Variants in GSTCD observed in about 807,000 individuals in gnomAD.
GSTCD encodes the protein glutathione S-transferase C-terminal domain containing.
Under a neutral mutation model 68.3 loss-of-function variants are expected in GSTCD, and 44 were observed. The ratio of observed to expected loss-of-function variants is 0.64; its 90% CI spans 0.51 to 0.83. GSTCD has a LOEUF of 0.83. Among genes scored for constraint, GSTCD ranks in the 40% least tolerant of loss-of-function variants. GSTCD has a pLI of 0.00. For synonymous variants in GSTCD, 273 were observed against 255.2 expected, an observed-to-expected ratio of 1.07 and a Z score of -0.67; for missense variants, 739 against 735.9, an observed-to-expected ratio of 1.00 and a Z score of -0.05.
chr4:105,819,691 C>T (rs184372061), intron 5 of GSTCD, among the ~76,000 whole-genome samples: 326 of 151,854 alleles, frequency 2.1e-3, no homozygotes, highest in Non-Finnish European at 3.5e-3. Context: ...TGGTTGTCGT[C>T]TTCCCTCTCA....
rs187836146 is a variant in GSTCD, at chr4:105,759,164, T to C, written c.1240+29665T>C. ...GGCAGTTTCTGTTAGTTCTTAAGAG[T>C]ATGACAGTCTCAGGTTAAACAACAT... On this transcript the variant is annotated intron_variant, in intron 5 of 11. Coordinates refer to ENST00000515279, the MANE Select transcript of GSTCD (RefSeq NM_001370181.1). Among the ~76,000 whole-genome samples, 101 of 152,250 alleles carry C rather than the reference T, an allele frequency of 6.6e-4. 1 individual carries two copies. Among genetic ancestry groups the C allele is most frequent in the African/African-American group, 2.3e-3 (96 of 41,546 alleles).
rs1020356457 is a variant in GSTCD, at chr4:105,709,314, T to C, written c.-22+298T>C. 3.9e-5 allele frequency: 6 copies of C among 152,476 alleles called. No homozygotes were observed. In the South Asian group the frequency reaches 6.2e-4, roughly 16 times the overall value. The allele number at this position is 152,476 out of a possible 1,614,324, so 9.4% of individuals were successfully genotyped here. ...GATGGAGAAATGGGGCAGCTTCCAG[T>C]TGGAGGCGTTGGTTGGGGTGGTTTG... On this transcript the variant is annotated intron_variant, in intron 1 of 11. Coordinates refer to ENST00000515279, the MANE Select transcript of GSTCD (RefSeq NM_001370181.1).
At chr4:105,779,279 CCTCAACTTGTATTTGT>C (rs967872096) in intron 5 of GSTCD, among the ~76,000 whole-genome samples, 15 of 152,064 alleles carry the variant, frequency 9.9e-5, no homozygotes, top group Admixed American at 7.2e-4. Flanking sequence ...GCAGAATGCC[CCTCAACTTGTATTTGT>C]CTGGTGTTTT....
chr4:105,710,554 T>C (rs1732505054), intron 1 of GSTCD, among the ~76,000 whole-genome samples: 1 of 152,140 alleles, frequency 6.6e-6, no homozygotes, highest in Non-Finnish European at 1.5e-5. Flanking sequence ...AAACTTGTTT[T>C]ACTTGTAGCT....
chr4:105,719,183 A>G lies in GSTCD; in HGVS notation c.550A>G (p.Ser184Gly). 6.2e-7 allele frequency: 1 copy of G among 1,614,124 alleles called. No individual in the cohort carries two copies. The highest frequency in any genetic ancestry group is 8.5e-7 in the Non-Finnish European group (1 of 1,180,004). ...AATACTACAGCTAGAGAAAAAGCTT[A>G]GTGAGCCTGTTAGAGTGCATAATGA... ...VEILQLEKKL[S>G]EPVRVHNDDK... The change falls in exon 3 of 12, where the codon AGT (serine) becomes GGT (glycine). Residue 184 changes from serine (S) to glycine (G), a missense_variant. Coordinates refer to ENST00000515279, the MANE Select transcript of GSTCD (RefSeq NM_001370181.1).
At chr4:105,786,801 C>T (rs1735485537) in intron 5 of GSTCD, among the ~76,000 whole-genome samples, 1 of 152,094 alleles carries the variant, frequency 6.6e-6, no homozygotes, top group African/African-American at 2.4e-5. Flanking sequence ...TACCACTCCA[C>T]ATCTGATAGT....
intron 5 of GSTCD, among the ~76,000 whole-genome samples, chr4:105,822,707 T>C (rs1286633508): frequency 1.3e-5 from 2 of 152,150 alleles, no homozygotes; most frequent in Non-Finnish European, 2.9e-5. Flanking sequence ...TCAATGGCTA[T>C]TGAAGGAAAT....
intron 5 of GSTCD, among the ~76,000 whole-genome samples, chr4:105,752,420 T>C (rs1374287118): frequency 4.6e-5 from 7 of 152,100 alleles, no homozygotes; most frequent in African/African-American, 1.7e-4. Flanking sequence ...CAATAAAGGT[T>C]TTAATGGCCA....
At chr4:105,774,551 G>A (rs1366097817) in intron 5 of GSTCD, among the ~76,000 whole-genome samples, 1 of 152,146 alleles carries the variant, frequency 6.6e-6, no homozygotes, top group Non-Finnish European at 1.5e-5. Context: ...GCCTGGTGGT[G>A]ACAAAATCCC....
Position 105,842,117 on chromosome 4 carries a change from C to T in GSTCD, c.1748C>T (p.Pro583Leu), listed in dbSNP as rs1406911970. ...FADQTAVQLP[P>L]QRRLIGKQCM... Reference sequence around the variant, plus strand: ...GACCAGACAGCTGTCCAGCTCCCACCCCAACGAAGGCTCATAGGTATGTGT... The same window carrying T: ...GACCAGACAGCTGTCCAGCTCCCACTCCAACGAAGGCTCATAGGTATGTGT... The change falls in exon 11 of 12, where the codon CCC (proline) becomes CTC (leucine). Residue 583 changes from proline to leucine, a missense_variant. Physicochemically the swap from Pro to Leu is moderately conservative, Grantham distance 98 (BLOSUM62 -3). Transcript: ENST00000515279. The T allele has an allele frequency of 6.2e-7, 1 of 1,613,752 alleles. No homozygotes were observed. The highest frequency in any genetic ancestry group is 2.2e-5 in the East Asian group (1 of 44,884).
intron 5 of GSTCD, among the ~76,000 whole-genome samples, chr4:105,782,734 C>T (rs563693929): frequency 1.7e-3 from 263 of 152,170 alleles, no homozygotes; most frequent in African/African-American, 6.3e-3. Flanking sequence ...AGGCATGCAC[C>T]ATCATGCCCA....
intron 5 of GSTCD, among the ~76,000 whole-genome samples, chr4:105,808,825 G>T (rs902258633): frequency 3.3e-5 from 5 of 152,068 alleles, no homozygotes; most frequent in South Asian, 2.1e-4. Flanking sequence ...ACTGCGTTCT[G>T]CCTGGGACAT....
intron 5 of GSTCD, among the ~76,000 whole-genome samples, chr4:105,758,797 T>G (rs1734290779): frequency 6.6e-6 from 1 of 152,220 alleles, no homozygotes; most frequent in African/African-American, 2.4e-5. Context: ...CCATCAGCAA[T>G]GTTAAAGAAC....
chr4:105,750,939 A>G (rs1275308500), intron 5 of GSTCD, among the ~76,000 whole-genome samples: 2 of 152,242 alleles, frequency 1.3e-5, no homozygotes, highest in Non-Finnish European at 2.9e-5. Context: ...TCAAAATGAT[A>G]AAGCTAGAAA....
intron 5 of GSTCD, among the ~76,000 whole-genome samples, chr4:105,772,468 A>G (rs886472924): frequency 2.0e-5 from 3 of 152,164 alleles, no homozygotes; most frequent in South Asian, 2.1e-4. Flanking sequence ...GCTTTTGCCT[A>G]TTCAGTACTA....
At chr4:105,825,915 G>C in intron 8 of GSTCD, 115 bp downstream of exon 8, 1 of 545,472 alleles carries the variant, frequency 1.8e-6, no homozygotes, top group South Asian at 2.4e-5. Flanking sequence ...TTATAATTTT[G>C]TATACTTATA....
chr4:105,732,425 T>A (rs1733281246), intron 5 of GSTCD, among the ~76,000 whole-genome samples: 1 of 152,182 alleles, frequency 6.6e-6, no homozygotes, highest in Non-Finnish European at 1.5e-5. Flanking sequence ...CTTTGGAGGG[T>A]GTATGTGTCC....
intron 5 of GSTCD, among the ~76,000 whole-genome samples, chr4:105,806,950 C>T (rs1024592035): frequency 1.3e-5 from 2 of 151,990 alleles, no homozygotes; most frequent in Admixed American, 6.6e-5. Flanking sequence ...TCTAAGGTGA[C>T]TTTCACTTTT....
chr4:105,739,248 T>C (rs891693201), intron 5 of GSTCD, among the ~76,000 whole-genome samples: 1 of 152,224 alleles, frequency 6.6e-6, no homozygotes, highest in African/African-American at 2.4e-5. Flanking sequence ...TAGTATTTTG[T>C]TGAGGATTTT....
Sources: gnomAD v4.1 joint callset for allele counts (sites outside exome capture counted in the v4.1 genomes callset) on GRCh38, gnomAD v4.1.1 for gene constraint, MANE v1.5 for transcripts, NCBI Gene and HGNC (gene_info 2026-07-23, HGNC 2026-07-21) for gene names.